DIAPH3: variants seen among roughly 807,000 people sequenced by gnomAD.
DIAPH3 encodes protein diaphanous homolog 3.
DIAPH3 carries 117 observed loss-of-function variants against 144.3 expected under a neutral mutation model. The ratio of observed to expected loss-of-function variants is 0.81; its 90% CI spans 0.70 to 0.95. The LOEUF (loss-of-function observed/expected upper bound fraction) is 0.95. Among genes scored for constraint, DIAPH3 ranks in the 40% least tolerant of loss-of-function variants. The pLI is 0.00. For synonymous variants in DIAPH3, 519 were observed against 488.9 expected (o/e 1.06, Z -0.81); for missense variants, 1,421 against 1,412.7 (o/e 1.01, Z -0.09).
At chr13:59,785,091 T>G (rs983478745) in intron 25 of DIAPH3, among the ~76,000 whole-genome samples, 3 of 152,186 alleles carry the variant, frequency 2.0e-5, no homozygotes, top group African/African-American at 7.2e-5. Context: ...GAAAATTTAT[T>G]TGAGTCAAGG....
chr13:59,720,626 CA>C (rs2035295321), intron 27 of DIAPH3, among the ~76,000 whole-genome samples: 1 of 151,916 alleles, frequency 6.6e-6, no homozygotes, highest in Admixed American at 6.6e-5. Context: ...GATGGTCGAA[CA>C]AATAAAATGC....
chr13:59,696,056 G>A (rs2033785327), intron 27 of DIAPH3: 1 of 152,164 alleles, frequency 6.6e-6, no homozygotes, highest in African/African-American at 2.4e-5. Flanking sequence ...TTGAAAGGTT[G>A]AGAGGTAAGG....
At chr13:60,010,740 T>C in intron 7 of DIAPH3, 71 bp from the exon 8 acceptor site, 2 of 1,479,696 alleles carry the variant, frequency 1.4e-6, no homozygotes, top group African/African-American at 1.4e-5. Flanking sequence ...GAAGGAAATG[T>C]AGTTATTAAA....
chr13:59,922,350 C>A (rs1281401240), intron 18 of DIAPH3, among the ~76,000 whole-genome samples: 1 of 151,990 alleles, frequency 6.6e-6, no homozygotes, highest in African/African-American at 2.4e-5. Flanking sequence ...GTCTGGAAAC[C>A]TTTATGAACT....
chr13:60,126,037 C>T (rs1425523356), intron 2 of DIAPH3, among the ~76,000 whole-genome samples: 1 of 152,134 alleles, frequency 6.6e-6, no homozygotes, highest in African/African-American at 2.4e-5. Flanking sequence ...TGAGGTTATT[C>T]AGTAGGCCAA....
At chr13:59,669,174 C>G (rs978854807) in intron 27 of DIAPH3, among the ~76,000 whole-genome samples, 1 of 152,202 alleles carries the variant, frequency 6.6e-6, no homozygotes, top group Admixed American at 6.5e-5. Flanking sequence ...ATTCTCGCAA[C>G]AGCTTTGTAA....
intron 9 of DIAPH3, among the ~76,000 whole-genome samples, chr13:60,005,653 T>C (rs1383629233): frequency 6.6e-6 from 1 of 152,012 alleles, no homozygotes; most frequent in Non-Finnish European, 1.5e-5. Flanking sequence ...GCTAATTTTT[T>C]TGTATTTTTA....
At chr13:59,673,265 A>G (rs1163300056) in intron 27 of DIAPH3, among the ~76,000 whole-genome samples, 1 of 152,098 alleles carries the variant, frequency 6.6e-6, no homozygotes, top group South Asian at 2.1e-4. Flanking sequence ...CTCTCCCCTC[A>G]ATTCTTAGCA....
At chr13:60,010,845 C>T (rs2053199576) in intron 7 of DIAPH3, among the ~76,000 whole-genome samples, 176 bp from the exon 8 acceptor site, 1 of 152,086 alleles carries the variant, frequency 6.6e-6, no homozygotes, top group Non-Finnish European at 1.5e-5. Flanking sequence ...GTGGTTCACG[C>T]CTGTAATCCC....
chr13:59,684,081 G>A (rs527515866), intron 27 of DIAPH3, among the ~76,000 whole-genome samples: 11 of 151,310 alleles, frequency 7.3e-5, no homozygotes, highest in African/African-American at 2.4e-4. Flanking sequence ...CAAGGAGCCA[G>A]CTGTTATCTG....
intron 27 of DIAPH3, among the ~76,000 whole-genome samples, chr13:59,727,557 T>C (rs1171646633): frequency 6.6e-6 from 1 of 152,208 alleles, no homozygotes; most frequent in African/African-American, 2.4e-5. Context: ...TCCTCGCCTA[T>C]GTGTGCGGTA....
chr13:59,756,049 T>C (rs1482284662), intron 27 of DIAPH3, among the ~76,000 whole-genome samples: 1 of 152,198 alleles, frequency 6.6e-6, no homozygotes, highest in Non-Finnish European at 1.5e-5. Context: ...GTGGTTCTTG[T>C]ATGAGTAGCA....
intron 21 of DIAPH3, among the ~76,000 whole-genome samples, chr13:59,872,072 C>A (rs1244182940): frequency 2.0e-5 from 3 of 152,212 alleles, no homozygotes; most frequent in Non-Finnish European, 4.4e-5. Flanking sequence ...GTATCAATTT[C>A]ATTGATATCT....
At chr13:59,683,816 T>C (rs1380855637) in intron 27 of DIAPH3, among the ~76,000 whole-genome samples, 1 of 152,204 alleles carries the variant, frequency 6.6e-6, no homozygotes, top group Non-Finnish European at 1.5e-5. Context: ...AAGAATAAAA[T>C]GAATTCATCA....
At chr13:59,984,321 G>A (rs1265557264) in intron 12 of DIAPH3, among the ~76,000 whole-genome samples, 1 of 151,640 alleles carries the variant, frequency 6.6e-6, no homozygotes. Context: ...GTGGTATACT[G>A]TTTTCCAAGT....
At chr13:59,908,369 CAAAA>C (rs773306723) in intron 20 of DIAPH3, among the ~76,000 whole-genome samples, 2 of 41,162 alleles carry the variant, frequency 4.9e-5, no homozygotes, top group African/African-American at 9.8e-5. Context: ...GACTCTGTCT[CAAAA>C]AAAAAAAAAA....
At chr13:60,145,598 G>T (rs1424292875) in intron 1 of DIAPH3, among the ~76,000 whole-genome samples, 3 of 152,232 alleles carry the variant, frequency 2.0e-5, no homozygotes, top group Middle Eastern at 3.2e-3. Context: ...GCAGTGAGCT[G>T]AGATCGTGCC....
chr13:59,781,847 G>A (rs1209796654), intron 25 of DIAPH3, among the ~76,000 whole-genome samples: 3 of 152,134 alleles, frequency 2.0e-5, no homozygotes, highest in Non-Finnish European at 4.4e-5. Context: ...ATTAGGTCAG[G>A]AGGGCAGAAA....
chr13:59,698,426 A>C (rs1000028517), intron 27 of DIAPH3, among the ~76,000 whole-genome samples: 1 of 152,360 alleles, frequency 6.6e-6, no homozygotes, highest in Admixed American at 6.5e-5. Flanking sequence ...ATAAAAGAAA[A>C]AAAATAAATG....
Sources: gnomAD v4.1 joint callset for allele counts (sites outside exome capture counted in the v4.1 genomes callset) on GRCh38, gnomAD v4.1.1 for gene constraint, MANE v1.5 for transcripts, NCBI Gene and HGNC (gene_info 2026-07-23, HGNC 2026-07-21) for gene names.